Variants in ATP10A observed in about 807,000 individuals in gnomAD.
The protein encoded by ATP10A is ATPase phospholipid transporting 10A (putative), also known as phospholipid-transporting ATPase VA.
In ATP10A, 111 loss-of-function variants were observed where a neutral mutation model predicts 147.8. That is an observed-to-expected ratio of 0.75 (90% CI 0.64 to 0.88). ATP10A has a LOEUF of 0.88. ATP10A is among the 40% of genes least tolerant of loss of function. The pLI, the probability that ATP10A is intolerant of heterozygous loss-of-function variation, is 0.00. For missense variants in ATP10A, 1,927 were observed against 1,959.0 expected (o/e 0.98, Z 0.31); for synonymous variants, 875 against 841.6 (o/e 1.04, Z -0.69).
At chr15:25,840,209 G>A (rs1596984051) in intron 1 of ATP10A, among the ~76,000 whole-genome samples, 1 of 152,154 alleles carries the variant, frequency 6.6e-6, no homozygotes, top group South Asian at 2.1e-4. Context: ...TGTTACACAG[G>A]TAACAAACCT....
chr15:25,726,969 ATG>A (rs1902607202), intron 4 of ATP10A, among the ~76,000 whole-genome samples, 189 bp downstream of exon 4: 1 of 150,156 alleles, frequency 6.7e-6, no homozygotes. Context: ...AGGCAGGAGA[ATG>A]GCGTGAACCC....
chr15:25,683,474 G>T lies in ATP10A; in HGVS notation c.3304C>A (p.Leu1102Ile). ...CAGAAAAACTGGAACCAAAACAGGA[G>T]GCCCACGAACATCTGAAATCAAGAA... Reference protein sequence around the residue: ...FFYKNTMFVGLLFWFQFFCGF... With the variant: ...FFYKNTMFVGILFWFQFFCGF... The change falls in exon 17 of 21, where the codon CTC becomes ATC. Residue 1102 changes from leucine (L) to isoleucine (I), a missense_variant. Transcript: ENST00000555815. 1 of 1,613,138 alleles carries T rather than the reference G, an allele frequency of 6.2e-7. No individual in the cohort carries two copies. The highest frequency in any genetic ancestry group is 8.5e-7 in the Non-Finnish European group (1 of 1,179,524).
chr15:25,714,726 G>A (rs1175404640), intron 9 of ATP10A, among the ~76,000 whole-genome samples: 2 of 152,112 alleles, frequency 1.3e-5, no homozygotes, highest in African/African-American at 4.8e-5. Flanking sequence ...GCTCAGGGGA[G>A]CAGGCTCACC....
chr15:25,762,676 G>A (rs1888820007), intron 2 of ATP10A, among the ~76,000 whole-genome samples: 1 of 152,092 alleles, frequency 6.6e-6, no homozygotes, highest in African/African-American at 2.4e-5. Context: ...AGAACTCTTG[G>A]GCTCCAGGGA....
intron 12 of ATP10A, 26 bp from the exon 13 acceptor site, chr15:25,702,126 C>T (rs553231362): frequency 2.3e-5 from 36 of 1,591,094 alleles, no homozygotes; most frequent in South Asian, 4.6e-5. Context: ...GCAGTGTGAG[C>T]GAACCCGCTT....
intron 5 of ATP10A, among the ~76,000 whole-genome samples, chr15:25,724,556 C>T (rs764709822): frequency 5.3e-5 from 8 of 152,200 alleles, no homozygotes; most frequent in Non-Finnish European, 1.2e-4. Context: ...TAACTTATGC[C>T]GCTGGGCTGA....
chr15:25,691,337 C>T (rs528778982), intron 15 of ATP10A, among the ~76,000 whole-genome samples: 2 of 152,278 alleles, frequency 1.3e-5, no homozygotes, highest in African/African-American at 4.8e-5. Flanking sequence ...GCTCCACCTA[C>T]ATCAAAGGCA....
At chr15:25,780,429 G>A (rs1329728058) in intron 2 of ATP10A, among the ~76,000 whole-genome samples, 1 of 152,196 alleles carries the variant, frequency 6.6e-6, no homozygotes, top group East Asian at 1.9e-4. Flanking sequence ...CACACTCCCG[G>A]CACAGACCTG....
chr15:25,697,978 T>A (rs1367338369), intron 13 of ATP10A, among the ~76,000 whole-genome samples: 1 of 151,982 alleles, frequency 6.6e-6, no homozygotes, highest in Non-Finnish European at 1.5e-5. Context: ...TGGCCAGCAC[T>A]CTTCAAAATG....
Position 25,701,917 on chromosome 15 carries a change from T to C in ATP10A, c.2759A>G (p.Gln920Arg). 2 of 1,597,690 alleles carry C rather than the reference T, an allele frequency of 1.3e-6. No individual in the cohort carries two copies. Among genetic ancestry groups the C allele is most frequent in the East Asian group, 2.2e-5 (1 of 44,550 alleles). Reference protein sequence around the residue: ...EEVITLNATSQEACAALLDQC... With the variant: ...EEVITLNATSREACAALLDQC... ...CGGAGCCACTTGAAACCCACCTACC[T>C]GGGAGGTGGCATTCAGGGTGATGAC... The change falls in exon 13 of 21, where the codon CAG (glutamine) becomes CGG (arginine). Residue 920 changes from glutamine to arginine, a missense_variant and splice_region_variant. Physicochemically the swap from Gln to Arg is conservative, Grantham distance 43 (BLOSUM62 1). Coordinates refer to ENST00000555815, the MANE Select transcript of ATP10A (RefSeq NM_024490.4).
At chr15:25,698,433 T>C (rs1175111167) in intron 13 of ATP10A, among the ~76,000 whole-genome samples, 2 of 152,222 alleles carry the variant, frequency 1.3e-5, no homozygotes, top group African/African-American at 4.8e-5. Context: ...CTTGATAACA[T>C]TTTCTTTTCT....
chr15:25,787,270 T>G (rs1244162861), intron 1 of ATP10A, among the ~76,000 whole-genome samples: 1 of 152,108 alleles, frequency 6.6e-6, no homozygotes, highest in African/African-American at 2.4e-5. Context: ...CCTTTAAAAT[T>G]ATGCAGTGCA....
At chr15:25,849,531 AG>A (rs1893186892) in intron 1 of ATP10A, among the ~76,000 whole-genome samples, 1 of 152,216 alleles carries the variant, frequency 6.6e-6, no homozygotes, top group African/African-American at 2.4e-5. Flanking sequence ...CGCATTATGA[AG>A]GAATTCCCAT....
chr15:25,829,991 C>T (rs1892283733), intron 1 of ATP10A, among the ~76,000 whole-genome samples: 1 of 152,014 alleles, frequency 6.6e-6, no homozygotes, highest in Non-Finnish European at 1.5e-5. Context: ...TGCTAGGGGC[C>T]GGGGTGGAGG....
chr15:25,683,447 C>T lies in ATP10A; in HGVS notation c.3331G>A (p.Gly1111Ser). The T allele has an allele frequency of 6.2e-7, 1 of 1,613,976 alleles. No homozygotes were observed. The highest frequency in any genetic ancestry group is 8.5e-7 in the Non-Finnish European group (1 of 1,179,988). ...GLLFWFQFFC[G>S]FSASTMIDQW... ...TCAATCATGGTAGATGCAGAGAAGC[C>T]ACAGAAAAACTGGAACCAAAACAGG... Residue 1111 changes from glycine to serine, a missense_variant, in exon 17 of 21, where the codon GGC becomes AGC. By Grantham distance (56) the Gly-to-Ser change is moderately conservative (BLOSUM62 0). Transcript: ENST00000555815.
At position 25,683,816 on chromosome 15, in the gene ATP10A, G is replaced by C. The variant is rs1567297950; in HGVS notation, c.3292-330C>G. ...ATAAAACAAAATCAAGGTTTCACAG[G>C]GGTGTAGGGCTGCTCACATTTCAAG... On this transcript the variant is annotated intron_variant, in intron 16 of 20. Transcript: ENST00000555815. 8.7e-6 allele frequency: 3 copies of C among 344,644 alleles called. No homozygotes were observed. The East Asian group carries it at 2.1e-4, about 24-fold the overall frequency. 21.3% of individuals were successfully genotyped at this position (344,644 alleles called of 1,614,324 possible). A position where few individuals can be genotyped will look rare whatever the true frequency, so the allele number is the denominator to read the frequency against.
intron 1 of ATP10A, among the ~76,000 whole-genome samples, chr15:25,783,454 A>G (rs533517436): frequency 7.3e-6 from 1 of 137,464 alleles, no homozygotes; most frequent in East Asian, 2.2e-4. Flanking sequence ...CTTCTATTTA[A>G]TTCCCCTGTG....
intron 2 of ATP10A, among the ~76,000 whole-genome samples, chr15:25,748,468 T>C (rs1015723525): frequency 6.6e-6 from 1 of 152,166 alleles, no homozygotes; most frequent in Non-Finnish European, 1.5e-5. Flanking sequence ...TACTTTCTCT[T>C]AGCAGGCTAC....
In ATP10A at chr15:25,843,183, C is replaced by T. The variant is rs190295193; in HGVS notation, c.449+19465G>A. Among the ~76,000 whole-genome samples the T allele has an allele frequency of 1.4e-4, 21 of 152,156 alleles. No individual in the cohort carries two copies. The East Asian group carries it at 4.1e-3, about 30-fold the overall frequency. On this transcript the variant is annotated intron_variant, in intron 1 of 20. Transcript: ENST00000555815. ...GTGCCTCCTCCCTGGCACCAGAGGG[C>T]TGCCATGAACCCTAGGAGACGCAGG...
Sources: gnomAD v4.1 joint callset for allele counts (sites outside exome capture counted in the v4.1 genomes callset) on GRCh38, gnomAD v4.1.1 for gene constraint, MANE v1.5 for transcripts, NCBI Gene and HGNC (gene_info 2026-07-23, HGNC 2026-07-21) for gene names.